The following PKN2 variants were observed in gnomAD, a reference collection of about 807,000 sequenced individuals.
PKN2 encodes serine/threonine-protein kinase N2.
In PKN2, 38 loss-of-function variants were observed where a neutral mutation model predicts 119.1. The ratio of observed to expected loss-of-function variants is 0.32; its 90% CI spans 0.25 to 0.42. The LOEUF is 0.42. Ranked by LOEUF, PKN2 falls within the 10% of genes least tolerant of loss-of-function variation. The pLI, the probability that PKN2 is intolerant of heterozygous loss-of-function variation, is 1.00. For synonymous variants in PKN2, 390 were observed against 384.9 expected (o/e 1.01, Z -0.15); for missense variants, 850 against 1,165.1 (o/e 0.73, Z 3.94).
At chr1:88,830,641 C>T (rs543819307) in intron 19 of PKN2, among the ~76,000 whole-genome samples, 18 of 152,238 alleles carry the variant, frequency 1.2e-4, no homozygotes, top group Non-Finnish European at 1.9e-4. Context: ...GTTGAATCTA[C>T]TCCCTCCTAT....
At chr1:88,685,727 GCC>G (rs1198630819) in intron 1 of PKN2, among the ~76,000 whole-genome samples, 1 of 152,090 alleles carries the variant, frequency 6.6e-6, no homozygotes. Flanking sequence ...AAAATAGCAT[GCC>G]TGCATTTCTT....
chr1:88,696,310 G>T (rs2100655421), intron 1 of PKN2, among the ~76,000 whole-genome samples: 1 of 152,272 alleles, frequency 6.6e-6, no homozygotes, highest in East Asian at 1.9e-4. Context: ...GCAGAAATTG[G>T]ATTTTTTGAA....
intron 8 of PKN2, among the ~76,000 whole-genome samples, chr1:88,796,013 A>G (rs1163199427): frequency 1.3e-5 from 2 of 152,208 alleles, no homozygotes; most frequent in African/African-American, 4.8e-5. Flanking sequence ...TGGGATTAAG[A>G]TTTAACCTAT....
chr1:88,747,464 T>C (rs1668814894), intron 2 of PKN2, among the ~76,000 whole-genome samples: 1 of 152,148 alleles, frequency 6.6e-6, no homozygotes, highest in Admixed American at 6.5e-5. Context: ...TGAGGCTAAA[T>C]GTACCTTATG....
rs117233714 is a variant in PKN2, at chr1:88,785,269, T to C, written c.1171+445T>C. On this transcript the variant is annotated intron_variant, in intron 7 of 21. Coordinates refer to ENST00000370521, the MANE Select transcript of PKN2 (RefSeq NM_006256.4). Reference sequence around the variant, plus strand: ...TCAGCATCCTAAGTAGCTGGGACTATAGGCATATGCCACCATGCCTGGCTA... The same window carrying C: ...TCAGCATCCTAAGTAGCTGGGACTACAGGCATATGCCACCATGCCTGGCTA... Among the ~76,000 whole-genome samples, 113 of 152,220 alleles carry C rather than the reference T, an allele frequency of 7.4e-4. 1 individual carries two copies. The East Asian group carries it at 0.021, about 28-fold the overall frequency.
chr1:88,714,455 T>C (rs999319306), intron 1 of PKN2, among the ~76,000 whole-genome samples: 3 of 152,102 alleles, frequency 2.0e-5, no homozygotes, highest in Admixed American at 6.6e-5. Flanking sequence ...TCTTTTATTT[T>C]GTTGAGCAGT....
Position 88,803,183 on chromosome 1 carries a change from C to A in PKN2, c.1282-1208C>A, listed in dbSNP as rs143099302. On this transcript the variant is annotated intron_variant, in intron 8 of 21. Transcript: ENST00000370521. ...GGCCCTGAGATCACATTCTCACTGCCATAGACGTATTTTTCTAATTCTTTT... is the reference window on the plus strand; with the variant it reads ...GGCCCTGAGATCACATTCTCACTGCAATAGACGTATTTTTCTAATTCTTTT... Among the ~76,000 whole-genome samples the A allele has an allele frequency of 3.9e-5, 6 of 152,242 alleles. No homozygotes were observed. The East Asian group carries it at 1.2e-3, about 29-fold the overall frequency.
chr1:88,770,561 G>T, intron 4 of PKN2, 92 bp downstream of exon 4: 1 of 696,936 alleles, frequency 1.4e-6, no homozygotes, highest in Non-Finnish European at 2.6e-6. Context: ...TTAAGAGGGA[G>T]GAAGCATTAC....
At chr1:88,785,980 T>A (rs1670556640) in intron 7 of PKN2, 124 bp from the exon 8 acceptor site, 1 of 589,598 alleles carries the variant, frequency 1.7e-6, no homozygotes, top group African/African-American at 1.9e-5. Flanking sequence ...AAAGTTTTAA[T>A]ATTGATTATG....
At chr1:88,815,425 C>T (rs1169532028) in intron 16 of PKN2, 4 of 352,562 alleles carry the variant, frequency 1.1e-5, no homozygotes, top group South Asian at 2.2e-5. Flanking sequence ...ACTCTATTTT[C>T]TGTATTATCT....
intron 2 of PKN2, among the ~76,000 whole-genome samples, chr1:88,743,492 C>T (rs1668653329): frequency 6.6e-6 from 1 of 152,134 alleles, no homozygotes; most frequent in Non-Finnish European, 1.5e-5. Context: ...TCCTGATCAC[C>T]CTTAAAAAAC....
chr1:88,812,185 A>T (rs2100892386), intron 15 of PKN2, among the ~76,000 whole-genome samples: 1 of 152,312 alleles, frequency 6.6e-6, no homozygotes, highest in South Asian at 2.1e-4. Context: ...TATTTTGACA[A>T]TTTGGATCTA....
intron 18 of PKN2, among the ~76,000 whole-genome samples, chr1:88,827,635 T>TTCCCC (rs1672555787): frequency 9.6e-6 from 1 of 104,576 alleles, no homozygotes; most frequent in Non-Finnish European, 1.9e-5. Flanking sequence ...TTCCCTTCCC[T>TTCCCC]TCCCTCCCCT....
In PKN2 at chr1:88,828,603, T is replaced by C; in HGVS notation, c.2542T>C (p.Tyr848His). 2 of 1,612,488 alleles carry C rather than the reference T, an allele frequency of 1.2e-6. No homozygotes were observed. The highest frequency in any genetic ancestry group is 1.7e-6 in the Non-Finnish European group (2 of 1,178,794). The change falls in exon 19 of 22, where the codon TAT becomes CAT. Residue 848 changes from tyrosine to histidine, a missense_variant. By Grantham distance (83) the Tyr-to-His change is moderately conservative (BLOSUM62 2). Transcript: ENST00000370521. ...VDWWGLGVLI[Y>H]EMLVGESPFP... Reference sequence around the variant, plus strand: ...TTGGTGGGGCCTTGGCGTGCTTATATATGAAATGCTTGTTGGTGAGGTAAG... The same window carrying C: ...TTGGTGGGGCCTTGGCGTGCTTATACATGAAATGCTTGTTGGTGAGGTAAG...
rs1289909072 is a variant in PKN2, at chr1:88,833,360, T to G, written c.2867T>G (p.Ile956Ser). 6.2e-7 allele frequency: 1 copy of G among 1,613,406 alleles called. No individual in the cohort carries two copies. Among genetic ancestry groups the G allele is most frequent in the Non-Finnish European group, 8.5e-7 (1 of 1,179,540 alleles). Residue 956 changes from isoleucine (I) to serine (S), a missense_variant, in exon 22 of 22, where the codon ATT becomes AGT. Coordinates refer to ENST00000370521, the MANE Select transcript of PKN2 (RefSeq NM_006256.4). The stretch of plus-strand genomic sequence containing the variant: ...GATGAATTTACCTCAGAAGCACCTA[T>G]TCTGACTCCACCTCGAGAACCAAGG... ...FDDEFTSEAPILTPPREPRIL... is the reference protein window; with the variant it reads ...FDDEFTSEAPSLTPPREPRIL...
chr1:88,756,345 C>T (rs1224765137), intron 2 of PKN2, among the ~76,000 whole-genome samples: 1 of 152,064 alleles, frequency 6.6e-6, no homozygotes, highest in Non-Finnish European at 1.5e-5. Flanking sequence ...TTAGATAACC[C>T]AAAACATAAG....
At chr1:88,755,394 AGTG>A (rs748649207) in intron 2 of PKN2, among the ~76,000 whole-genome samples, 5 of 152,204 alleles carry the variant, frequency 3.3e-5, no homozygotes, top group Admixed American at 2.0e-4. Context: ...GGGGAAAAAA[AGTG>A]AACTTTATAA....
chr1:88,710,361 TGAG>T (rs1215071758), intron 1 of PKN2, among the ~76,000 whole-genome samples: 1 of 152,158 alleles, frequency 6.6e-6, no homozygotes, highest in African/African-American at 2.4e-5. Context: ...CTTAATATAT[TGAG>T]GAGAAATTTT....
intron 16 of PKN2, among the ~76,000 whole-genome samples, chr1:88,819,905 A>G (rs1321043250): frequency 1.3e-5 from 2 of 151,862 alleles, no homozygotes; most frequent in African/African-American, 4.8e-5. Flanking sequence ...ACAAACACAG[A>G]AACAGAAAAC....
Sources: gnomAD v4.1 joint callset for allele counts (sites outside exome capture counted in the v4.1 genomes callset) on GRCh38, gnomAD v4.1.1 for gene constraint, MANE v1.5 for transcripts, NCBI Gene and HGNC (gene_info 2026-07-23, HGNC 2026-07-21) for gene names.